RIT2: variants seen among roughly 807,000 people sequenced by gnomAD.
RIT2 encodes the protein Ras like without CAAX 2, also known as GTP-binding protein Rit2.
RIT2 carries 24 observed loss-of-function variants against 23.7 expected under a neutral mutation model. The observed-to-expected ratio is 1.01, with a 90% CI of 0.73 to 1.43. The LOEUF (loss-of-function observed/expected upper bound fraction) is 1.43. Among genes scored for constraint, RIT2 ranks in the 40% most tolerant of loss-of-function variants. The pLI is 0.00. For missense variants in RIT2, 236 were observed against 266.9 expected (o/e 0.88, Z 0.81); for synonymous variants, 107 against 91.1 (o/e 1.17, Z -0.99).
At chr18:42,822,637 C>T (rs2143994707) in intron 4 of RIT2, among the ~76,000 whole-genome samples, 1 of 152,188 alleles carries the variant, frequency 6.6e-6, no homozygotes, top group African/African-American at 2.4e-5. Flanking sequence ...CTAATTACTC[C>T]ATAATAATCA....
intron 2 of RIT2, among the ~76,000 whole-genome samples, chr18:43,029,754 G>A (rs1598753759): frequency 6.6e-6 from 1 of 151,946 alleles, no homozygotes; most frequent in East Asian, 1.9e-4. Flanking sequence ...GAATAAAGAG[G>A]AAGGATTAGG....
chr18:43,024,987 C>A (rs1236468852), intron 2 of RIT2, among the ~76,000 whole-genome samples: 1 of 151,902 alleles, frequency 6.6e-6, no homozygotes, highest in East Asian at 1.9e-4. Flanking sequence ...GCAGACAGAT[C>A]ACTTGAGGTC....
intron 4 of RIT2, among the ~76,000 whole-genome samples, chr18:42,831,184 C>A (rs1227628139): frequency 6.6e-6 from 1 of 152,106 alleles, no homozygotes; most frequent in African/African-American, 2.4e-5. Flanking sequence ...ATAGTTAGTT[C>A]TTTTCTTTGT....
At chr18:42,792,014 G>T (rs1914054565) in intron 4 of RIT2, among the ~76,000 whole-genome samples, 1 of 152,198 alleles carries the variant, frequency 6.6e-6, no homozygotes, top group South Asian at 2.1e-4. Context: ...AACTTGGAAG[G>T]ATAGGACTTT....
At chr18:42,891,807 C>T (rs1174925948) in intron 4 of RIT2, among the ~76,000 whole-genome samples, 1 of 152,020 alleles carries the variant, frequency 6.6e-6, no homozygotes, top group African/African-American at 2.4e-5. Flanking sequence ...TATGACACTA[C>T]AATGATAGAC....
At chr18:42,901,515 G>T (rs956745819) in intron 4 of RIT2, among the ~76,000 whole-genome samples, 2 of 151,978 alleles carry the variant, frequency 1.3e-5, no homozygotes, top group African/African-American at 4.8e-5. Context: ...TGGAAAATGT[G>T]TATCCTCCAT....
At chr18:42,867,005 C>G (rs576437265) in intron 4 of RIT2, among the ~76,000 whole-genome samples, 1 of 152,246 alleles carries the variant, frequency 6.6e-6, no homozygotes, top group East Asian at 1.9e-4. Flanking sequence ...CTTTAAAAAT[C>G]TCTATTTTAT....
chr18:42,858,002 G>A (rs1907231573), intron 4 of RIT2, among the ~76,000 whole-genome samples: 3 of 152,092 alleles, frequency 2.0e-5, no homozygotes, highest in Admixed American at 2.0e-4. Context: ...TCACCATGGC[G>A]AAACCCTGTC....
intron 4 of RIT2, among the ~76,000 whole-genome samples, chr18:42,857,116 G>A (rs113775684): frequency 0.027 from 3,565 of 133,600 alleles, 136 homozygotes; most frequent in African/African-American, 0.11. Context: ...CAGCAGGCCC[G>A]GCCAAGACGT....
intron 1 of RIT2, among the ~76,000 whole-genome samples, chr18:43,105,517 G>GAAGAGAGGAAGGGAGGAA (rs1193871671): frequency 4.0e-5 from 6 of 150,772 alleles, no homozygotes; most frequent in East Asian, 2.0e-4. Flanking sequence ...AGGGAGGGAG[G>GAAGAGAGGAAGGGAGGAA]GAATGAGCAG....
At chr18:43,018,236 G>T (rs1911518349) in intron 2 of RIT2, among the ~76,000 whole-genome samples, 1 of 152,038 alleles carries the variant, frequency 6.6e-6, no homozygotes, top group African/African-American at 2.4e-5. Flanking sequence ...GAAAGAGGCA[G>T]AAGGCATTGC....
At chr18:42,780,602 T>C (rs1913788719) in intron 4 of RIT2, among the ~76,000 whole-genome samples, 1 of 152,172 alleles carries the variant, frequency 6.6e-6, no homozygotes, top group Non-Finnish European at 1.5e-5. Flanking sequence ...TAAAATACTT[T>C]GATTTCCTTC....
chr18:42,983,519 AAT>A (rs1204279421), intron 2 of RIT2, among the ~76,000 whole-genome samples: 1 of 152,084 alleles, frequency 6.6e-6, no homozygotes, highest in East Asian at 1.9e-4. Flanking sequence ...TTTAAAAATC[AAT>A]ATCTTTTACT....
At chr18:42,879,770 A>G (rs894952317) in intron 4 of RIT2, among the ~76,000 whole-genome samples, 1 of 152,206 alleles carries the variant, frequency 6.6e-6, no homozygotes, top group Non-Finnish European at 1.5e-5. Context: ...TGAAGCATTA[A>G]AAAATAAAAC....
chr18:43,071,353 T>C (rs1184547947), intron 1 of RIT2, among the ~76,000 whole-genome samples: 1 of 152,174 alleles, frequency 6.6e-6, no homozygotes, highest in Non-Finnish European at 1.5e-5. Context: ...ACATCCCAGG[T>C]TCTCAACTGG....
intron 3 of RIT2, among the ~76,000 whole-genome samples, chr18:42,964,858 G>A (rs960150724): frequency 2.6e-5 from 4 of 152,148 alleles, no homozygotes; most frequent in Non-Finnish European, 5.9e-5. Context: ...TCTTTTAATA[G>A]ACTAGTAGTT....
At chr18:42,939,669 T>A (rs1205695815) in intron 3 of RIT2, among the ~76,000 whole-genome samples, 2 of 151,970 alleles carry the variant, frequency 1.3e-5, no homozygotes, top group East Asian at 1.9e-4. Context: ...CCTATAAAGT[T>A]TTTTTGCAAA....
chr18:42,921,872 G>A (rs1909064136), intron 4 of RIT2, among the ~76,000 whole-genome samples: 1 of 152,108 alleles, frequency 6.6e-6, no homozygotes, highest in Admixed American at 6.6e-5. Flanking sequence ...ACTCTTCAGA[G>A]GAGTATAGGA....
At chr18:42,830,828 C>A (rs563434230) in intron 4 of RIT2, among the ~76,000 whole-genome samples, 22 of 152,268 alleles carry the variant, frequency 1.4e-4, no homozygotes, top group African/African-American at 4.8e-4. Context: ...ATAATCTGTT[C>A]CTTTCCAAGA....
Sources: allele counts gnomAD v4.1 joint callset (sites outside exome capture counted in the v4.1 genomes callset), GRCh38; gene constraint gnomAD v4.1.1; transcripts MANE v1.5; gene names NCBI Gene and HGNC (gene_info 2026-07-23, HGNC 2026-07-21).